The following PPP1R12A variants were observed in gnomAD, a reference collection of about 807,000 sequenced individuals.
PPP1R12A encodes myosin binding subunit.
Under a neutral mutation model 139.6 loss-of-function variants are expected in PPP1R12A, and 19 were observed. The observed-to-expected ratio is 0.14, with a 90% CI of 0.09 to 0.20. The LOEUF is 0.20. PPP1R12A is among the 10% of genes least tolerant of loss of function. The pLI, the probability that PPP1R12A is intolerant of heterozygous loss-of-function variation, is 1.00. For synonymous variants in PPP1R12A, 427 were observed against 420.6 expected (o/e 1.02, Z -0.19); for missense variants, 925 against 1,211.5 (o/e 0.76, Z 3.51).
rs765363840 is a variant in PPP1R12A, at chr12:79,832,412, A to C, written c.567T>G (p.His189Gln). The part of the protein sequence containing the change: ...RDARQWLNSG[H>Q]INDVRHAKSG... ...ATTTTGCATGCCGGACATCATTTAT[A>C]TGACCACTATTTAGCCACTGCCTGG... The change falls in exon 4 of 25, where the codon CAT becomes CAG. Residue 189 changes from histidine (H) to glutamine (Q), a missense_variant. His to Gln is a conservative substitution (Grantham distance 24). This residue lies in a region of PPP1R12A where 199 missense variants were observed against 352.4 expected (regional missense o/e 0.56). Transcript: ENST00000450142. 1.9e-6 allele frequency: 3 copies of C among 1,613,654 alleles called. No homozygotes were observed. The South Asian group carries it at 3.3e-5, about 18-fold the overall frequency.
At chr12:79,900,476 C>T (rs1326375902) in intron 1 of PPP1R12A, among the ~76,000 whole-genome samples, 2 of 152,166 alleles carry the variant, frequency 1.3e-5, no homozygotes, top group African/African-American at 4.8e-5. Flanking sequence ...ACACAAAATA[C>T]ACATTTCCGT....
intron 14 of PPP1R12A, among the ~76,000 whole-genome samples, chr12:79,803,568 A>C (rs1456117144): frequency 6.6e-6 from 1 of 152,160 alleles, no homozygotes; most frequent in Non-Finnish European, 1.5e-5. Flanking sequence ...TTTTTTAGGC[A>C]AATTTTAAAT....
intron 2 of PPP1R12A, among the ~76,000 whole-genome samples, chr12:79,872,389 A>G (rs1042412843): frequency 6.6e-6 from 1 of 152,202 alleles, no homozygotes; most frequent in African/African-American, 2.4e-5. Context: ...GACAATCTTC[A>G]GAAAAACTAA....
At chr12:79,884,236 A>G (rs1282000734) in intron 1 of PPP1R12A, among the ~76,000 whole-genome samples, 1 of 152,160 alleles carries the variant, frequency 6.6e-6, no homozygotes, top group Non-Finnish European at 1.5e-5. Flanking sequence ...TGGCTCTTTG[A>G]AAGACATTAA....
intron 1 of PPP1R12A, among the ~76,000 whole-genome samples, chr12:79,912,019 C>G (rs1457348375): frequency 6.6e-6 from 1 of 152,204 alleles, no homozygotes; most frequent in Non-Finnish European, 1.5e-5. Context: ...TACCATTCTT[C>G]TCACCCCCTG....
intron 1 of PPP1R12A, among the ~76,000 whole-genome samples, chr12:79,896,137 C>T (rs1336825177): frequency 1.3e-5 from 2 of 151,790 alleles, no homozygotes; most frequent in African/African-American, 2.4e-5. Context: ...TTGTGACTGG[C>T]CTTATAAACC....
At position 79,872,800 on chromosome 12, in the gene PPP1R12A, T is replaced by G; in HGVS notation, c.368+8A>C. ...TTAGAATAAAATGAAAACACAGAAC[T>G]GGCTTACTCTGCAATATCAAGATAT... On this transcript the variant is annotated splice_region_variant and intron_variant, in intron 2 of 24. Coordinates refer to ENST00000450142, the MANE Select transcript of PPP1R12A (RefSeq NM_002480.3). 1.2e-6 allele frequency: 2 copies of G among 1,612,896 alleles called. No individual in the cohort carries two copies. Among genetic ancestry groups the G allele is most frequent in the Non-Finnish European group, 1.7e-6 (2 of 1,179,328 alleles).
chr12:79,901,724 G>A (rs575337405), intron 1 of PPP1R12A, among the ~76,000 whole-genome samples: 8 of 152,092 alleles, frequency 5.3e-5, no homozygotes, highest in Non-Finnish European at 1.0e-4. Context: ...CTCACTATGT[G>A]CCAGGCACTA....
intron 1 of PPP1R12A, among the ~76,000 whole-genome samples, chr12:79,920,488 G>A (rs1239730545): frequency 5.9e-5 from 9 of 152,146 alleles, no homozygotes; most frequent in Admixed American, 5.9e-4. Flanking sequence ...GTGCATGAGG[G>A]TTCCAATTTC....
At chr12:79,840,625 T>C (rs1358982776) in intron 3 of PPP1R12A, among the ~76,000 whole-genome samples, 1 of 152,218 alleles carries the variant, frequency 6.6e-6, no homozygotes, top group East Asian at 1.9e-4. Context: ...TCTTCCTTCA[T>C]ATCTGCATTC....
intron 10 of PPP1R12A, among the ~76,000 whole-genome samples, chr12:79,809,461 G>C (rs1874258433): frequency 6.6e-6 from 1 of 152,028 alleles, no homozygotes; most frequent in Admixed American, 6.6e-5. Flanking sequence ...TAGAATAAAT[G>C]TGTTCCTATG....
chr12:79,802,047 C>T (rs1008440958), intron 14 of PPP1R12A, among the ~76,000 whole-genome samples: 13 of 152,042 alleles, frequency 8.6e-5, no homozygotes, highest in Non-Finnish European at 1.5e-4. Context: ...AAGAGAATAA[C>T]TAATAATCTT....
At chr12:79,906,950 G>A (rs530118872) in intron 1 of PPP1R12A, among the ~76,000 whole-genome samples, 5 of 152,256 alleles carry the variant, frequency 3.3e-5, no homozygotes, top group Admixed American at 6.5e-5. Flanking sequence ...GTGAGCCACC[G>A]CATCCGGCCT....
intron 2 of PPP1R12A, among the ~76,000 whole-genome samples, chr12:79,852,368 C>CT (rs1880157362): frequency 6.7e-6 from 1 of 150,116 alleles, no homozygotes; most frequent in Non-Finnish European, 1.5e-5. Flanking sequence ...TTTTTTTTTT[C>CT]TTTTTTTGGT....
intron 3 of PPP1R12A, among the ~76,000 whole-genome samples, chr12:79,834,195 T>TA (rs981517044): frequency 3.3e-5 from 5 of 152,260 alleles, no homozygotes; most frequent in African/African-American, 1.2e-4. Flanking sequence ...AATAGGTTGG[T>TA]AAAAAATAGC....
At chr12:79,877,034 T>C (rs1462818848) in intron 1 of PPP1R12A, among the ~76,000 whole-genome samples, 1 of 151,996 alleles carries the variant, frequency 6.6e-6, no homozygotes, top group East Asian at 1.9e-4. Context: ...GTAAAAGCAT[T>C]GAGAGGGAAT....
intron 2 of PPP1R12A, among the ~76,000 whole-genome samples, chr12:79,849,350 G>C (rs925867623): frequency 6.6e-6 from 1 of 151,870 alleles, no homozygotes; most frequent in Non-Finnish European, 1.5e-5. Flanking sequence ...TTGTGCCACT[G>C]CATTCCAGTC....
chr12:79,911,550 A>C (rs1886565597), intron 1 of PPP1R12A, among the ~76,000 whole-genome samples: 1 of 152,182 alleles, frequency 6.6e-6, no homozygotes, highest in South Asian at 2.1e-4. Flanking sequence ...CATGACACGC[A>C]GTTTAACTAT....
intron 18 of PPP1R12A, among the ~76,000 whole-genome samples, chr12:79,794,414 C>G (rs952103844): frequency 1.3e-5 from 2 of 151,766 alleles, no homozygotes; most frequent in African/African-American, 4.8e-5. Flanking sequence ...TATTTTTGTG[C>G]TATTGTTTTC....
Sources: allele counts gnomAD v4.1 joint callset (sites outside exome capture counted in the v4.1 genomes callset), GRCh38; gene constraint gnomAD v4.1.1; regional missense constraint gnomAD v4.1.1; transcripts MANE v1.5; gene names NCBI Gene and HGNC (gene_info 2026-07-23, HGNC 2026-07-21).